NDUFAF5: variants seen among roughly 807,000 people sequenced by gnomAD.
NDUFAF5 encodes NADH:ubiquinone oxidoreductase complex assembly factor 5, also known as arginine-hydroxylase NDUFAF5, mitochondrial.
NDUFAF5 carries 34 observed loss-of-function variants against 48.9 expected under a neutral mutation model. That is an observed-to-expected ratio of 0.70 (90% CI 0.53 to 0.93). The LOEUF (loss-of-function observed/expected upper bound fraction) is 0.93. Ranked by LOEUF, NDUFAF5 falls within the 40% of genes least tolerant of loss-of-function variation. The pLI is 0.00. For missense variants in NDUFAF5, 428 were observed against 427.5 expected (o/e 1.00, Z -0.01); for synonymous variants, 153 against 150.6 (o/e 1.02, Z -0.12).
chr20:13,819,394 G>C lies in NDUFAF5; in HGVS notation c.*2184G>C, dbSNP rs1474636598. 1.3e-5 allele frequency: 2 copies of C among 151,898 alleles called. No homozygotes were observed. Among genetic ancestry groups the C allele is most frequent in the Admixed American group, 6.6e-5 (1 of 15,238 alleles). The allele number at this position is 151,898 out of a possible 1,614,324, so 9.4% of individuals were successfully genotyped here. On this transcript the variant is annotated 3_prime_UTR_variant, in exon 11 of 11. Coordinates refer to ENST00000378106, the MANE Select transcript of NDUFAF5 (RefSeq NM_024120.5). The stretch of plus-strand genomic sequence containing the variant: ...TTATTTTATTTTATTTTTTGAGACG[G>C]AGTCTCGCTCTGTCTCCAGGCTGGA...
At chr20:13,785,437 C>T (rs1304530053) in intron 1 of NDUFAF5, 147 bp downstream of exon 1, 11 of 659,218 alleles carry the variant, frequency 1.7e-5, no homozygotes, top group Non-Finnish European at 2.8e-5. Context: ...CTACTGTAAT[C>T]ACGCAAGGCC....
intron 3 of NDUFAF5, among the ~76,000 whole-genome samples, chr20:13,790,696 G>C (rs1354697362): frequency 1.3e-5 from 2 of 152,048 alleles, no homozygotes; most frequent in African/African-American, 2.4e-5. Flanking sequence ...TTTTTATCAT[G>C]TCTCTGATCC....
chr20:13,809,173 T>C (rs1177340410), intron 8 of NDUFAF5, among the ~76,000 whole-genome samples: 1 of 152,240 alleles, frequency 6.6e-6, no homozygotes, highest in African/African-American at 2.4e-5. Flanking sequence ...CATATAGTGC[T>C]ACGGCTGTTT....
chr20:13,819,396 GTC>G lies in NDUFAF5; in HGVS notation c.*2189_*2190del, dbSNP rs1986826590. The stretch of plus-strand genomic sequence containing the variant: ...ATTTTATTTTATTTTTTGAGACGGA[GTC>G]TCGCTCTGTCTCCAGGCTGGAGTAC... On this transcript the variant is annotated 3_prime_UTR_variant, in exon 11 of 11. Coordinates refer to ENST00000378106, the MANE Select transcript of NDUFAF5 (RefSeq NM_024120.5). 6.6e-6 allele frequency: 1 copy of G among 151,946 alleles called. No homozygotes were observed. Among genetic ancestry groups the G allele is most frequent in the Admixed American group, 6.6e-5 (1 of 15,260 alleles). The allele number at this position is 151,946 out of a possible 1,614,324, so 9.4% of individuals were successfully genotyped here. A position where few individuals can be genotyped will look rare whatever the true frequency, so the allele number is the denominator to read the frequency against.
At chr20:13,809,337 AGTC>A (rs1318901025) in intron 8 of NDUFAF5, among the ~76,000 whole-genome samples, 1 of 152,214 alleles carries the variant, frequency 6.6e-6, no homozygotes, top group Non-Finnish European at 1.5e-5. Context: ...GAAATGTCCC[AGTC>A]TGGGAGACTC....
Position 13,785,043 on chromosome 20 carries a change from G to T in NDUFAF5, c.-26G>T, listed in dbSNP as rs557506481. On this transcript the variant is annotated 5_prime_UTR_variant, in exon 1 of 11. Transcript: ENST00000378106. ...GCGCTGGCGCATGCGCACAAAAAGC[G>T]CCGGCAATTGGGGTCGCAGCTGGAG... 76 of 1,597,638 alleles carry T rather than the reference G, an allele frequency of 4.8e-5. 1 individual carries two copies. The South Asian group carries it at 7.7e-4, about 16-fold the overall frequency.
rs979203822 is a variant in NDUFAF5 at position 13,785,061 on chromosome 20, A to G, written c.-8A>G. 2 of 1,609,126 alleles carry G rather than the reference A, an allele frequency of 1.2e-6. No homozygotes were observed. Among genetic ancestry groups the G allele is most frequent in the South Asian group, 1.1e-5 (1 of 90,656 alleles). On this transcript the variant is annotated 5_prime_UTR_variant, in exon 1 of 11. Transcript: ENST00000378106. ...AAAAAGCGCCGGCAATTGGGGTCGC[A>G]GCTGGAGATGCTGCGGCCGGCAGGG...
intron 5 of NDUFAF5, among the ~76,000 whole-genome samples, chr20:13,797,302 A>G (rs772481117): frequency 1.3e-4 from 20 of 152,342 alleles, no homozygotes; most frequent in Non-Finnish European, 1.9e-4. Context: ...ACAAATGTTT[A>G]TAGTAGCCTT....
In NDUFAF5 at chr20:13,792,715, G is replaced by A. The variant is rs1982485738; in HGVS notation, c.328-465G>A. 2.0e-5 allele frequency among the ~76,000 whole-genome samples: 3 copies of A among 152,286 alleles called. No individual in the cohort carries two copies. In the South Asian group the frequency reaches 6.2e-4, roughly 32 times the overall value. The stretch of plus-strand genomic sequence containing the variant: ...GGGGGAAAGAAAGTGTTTTTCTGGT[G>A]CAGAAATAGCACAGTCTCCTTTCCT... On this transcript the variant is annotated intron_variant, in intron 3 of 10. Coordinates refer to ENST00000378106, the MANE Select transcript of NDUFAF5 (RefSeq NM_024120.5).
At chr20:13,793,568 TATC>T (rs1982690762) in intron 4 of NDUFAF5, among the ~76,000 whole-genome samples, 1 of 152,190 alleles carries the variant, frequency 6.6e-6, no homozygotes, top group Non-Finnish European at 1.5e-5. Context: ...GTGTGTCATA[TATC>T]ATCTTTTTAA....
intron 7 of NDUFAF5, 65 bp from the exon 8 acceptor site, chr20:13,808,777 C>CT (rs1165949391): frequency 1.6e-5 from 19 of 1,161,078 alleles, no homozygotes; most frequent in East Asian, 4.7e-5. Flanking sequence ...TCTGCGGCCT[C>CT]TTTTTTAAAT....
At chr20:13,798,876 G>A (rs777023088) in intron 6 of NDUFAF5, among the ~76,000 whole-genome samples, 2 of 152,188 alleles carry the variant, frequency 1.3e-5, no homozygotes, top group Non-Finnish European at 2.9e-5. Flanking sequence ...TACTCAGAGA[G>A]TGCTAGGTAA....
rs556441768 is a variant in NDUFAF5, at chr20:13,785,248, C to T, written c.180C>T (p.Ala60=). The T allele has an allele frequency of 1.1e-5, 17 of 1,613,306 alleles. No homozygotes were observed. The highest frequency in any genetic ancestry group is 1.4e-5 in the Non-Finnish European group (17 of 1,179,752). ...AAAGGAAACAGAAGAACTGGGCAGC[C>T]CGGCAGCCCGAGCCGACCAAATTTG... The part of the protein sequence containing the change: ...DLKRKQKNWA[A]RQPEPTKFDY... Residue 60 remains alanine, a synonymous_variant, in exon 1 of 11, where the codon GCC becomes GCT. Transcript: ENST00000378106.
chr20:13,786,564 A>G (rs1981175258), intron 1 of NDUFAF5, among the ~76,000 whole-genome samples: 1 of 152,204 alleles, frequency 6.6e-6, no homozygotes, highest in African/African-American at 2.4e-5. Context: ...CTCCTGGGAA[A>G]AACATCTACG....
chr20:13,808,699 C>T, intron 7 of NDUFAF5, 143 bp from the exon 8 acceptor site: 1 of 611,284 alleles, frequency 1.6e-6, no homozygotes, highest in Admixed American at 2.8e-5. Context: ...CAAACATAAG[C>T]CAGATGACAT....
chr20:13,818,464 A>ATTTTTTT lies in NDUFAF5; in HGVS notation c.*1258_*1259insTTTTTTT, dbSNP rs1986753592. 2.9e-6 allele frequency: 1 copy of ATTTTTTT among 340,588 alleles called. No homozygotes were observed. The highest frequency in any genetic ancestry group is 2.2e-5 in the African/African-American group (1 of 45,128). The allele number at this position is 340,588 out of a possible 1,614,324, so 21.1% of individuals were successfully genotyped here. A position where few individuals can be genotyped will look rare whatever the true frequency, so the allele number is the denominator to read the frequency against. On this transcript the variant is annotated 3_prime_UTR_variant, in exon 11 of 11. Coordinates refer to ENST00000378106, the MANE Select transcript of NDUFAF5 (RefSeq NM_024120.5). ...TGGGGTTTTTTTTTTTTTTAGCTTA[A>ATTTTTTT]TTTTCAGAACTTGAAGAGAGAGAAC...
At position 13,798,504 on chromosome 20, in the gene NDUFAF5, A is replaced by G. The variant is rs373951216; in HGVS notation, c.519+4A>G. The stretch of plus-strand genomic sequence containing the variant: ...CCTTCCTAGAGCACTTGAGCAGGTA[A>G]GAAAACTTATGTTCATTCAACTATC... On this transcript the variant is annotated splice_donor_region_variant and intron_variant, in intron 6 of 10. Coordinates refer to ENST00000378106, the MANE Select transcript of NDUFAF5 (RefSeq NM_024120.5). 2.6e-5 allele frequency: 41 copies of G among 1,601,368 alleles called. No homozygotes were observed. In the East Asian group the frequency reaches 6.5e-4, roughly 25 times the overall value.
chr20:13,808,157 G>C (rs779055664), intron 7 of NDUFAF5, among the ~76,000 whole-genome samples: 1 of 152,102 alleles, frequency 6.6e-6, no homozygotes, highest in Non-Finnish European at 1.5e-5. Context: ...GCCTGGAAAA[G>C]GCTCTAGCTC....
In NDUFAF5 at chr20:13,808,849, A is replaced by G; in HGVS notation, c.725A>G (p.Asp242Gly). 1 of 1,570,038 alleles carries G rather than the reference A, an allele frequency of 6.4e-7. No individual in the cohort carries two copies. Among genetic ancestry groups the G allele is most frequent in the South Asian group, 1.1e-5 (1 of 90,044 alleles). ...AGFNTLTVDT[D>G]EIQVNYPGMF... is the part of the protein sequence containing the mutation. ...CTTTTTCTTTTTAAATAGGACACTG[A>G]TGAAATTCAAGTTAACTATCCTGGA... Residue 242 changes from aspartate to glycine, a missense_variant, in exon 8 of 11, where the codon GAT becomes GGT. Coordinates refer to ENST00000378106, the MANE Select transcript of NDUFAF5 (RefSeq NM_024120.5).
Sources: allele counts gnomAD v4.1 joint callset (sites outside exome capture counted in the v4.1 genomes callset), GRCh38; gene constraint gnomAD v4.1.1; transcripts MANE v1.5; gene names NCBI Gene and HGNC (gene_info 2026-07-23, HGNC 2026-07-21).